The following ATP11B variants were observed in gnomAD, a reference collection of about 807,000 sequenced individuals.
ATP11B encodes phospholipid-transporting ATPase IF.
A neutral mutation model predicts 157.8 loss-of-function variants in ATP11B; 81 were observed. That is an observed-to-expected ratio of 0.51 (90% CI 0.43 to 0.62). The LOEUF (loss-of-function observed/expected upper bound fraction) is 0.62, where lower values mean the gene tolerates loss of function less well. Among genes scored for constraint, ATP11B ranks in the 20% least tolerant of loss-of-function variants. The pLI is 0.00. For missense variants in ATP11B, 1,165 were observed against 1,402.2 expected (o/e 0.83, Z 2.70); for synonymous variants, 451 against 469.4 (o/e 0.96, Z 0.51).
chr3:182,860,842 A>G (rs1271224756), intron 12 of ATP11B, among the ~76,000 whole-genome samples: 3 of 152,114 alleles, frequency 2.0e-5, no homozygotes, highest in Admixed American at 6.6e-5. Flanking sequence ...TCTTGAACAT[A>G]ATCTATTCTT....
chr3:182,916,570 A>G (rs1453749693), intron 29 of ATP11B: 1 of 985,270 alleles, frequency 1.0e-6, no homozygotes, highest in East Asian at 1.1e-4. Flanking sequence ...TTTTAGCAAT[A>G]AAAGATTTTC....
intron 2 of ATP11B, 93 bp downstream of exon 2, chr3:182,820,469 A>G (rs1245128511): frequency 3.5e-6 from 3 of 864,730 alleles, no homozygotes; most frequent in African/African-American, 1.7e-5. Flanking sequence ...GGATCGGTTA[A>G]GCCCAGGAGT....
intron 1 of ATP11B, among the ~76,000 whole-genome samples, chr3:182,807,500 C>T (rs906665780): frequency 2.0e-5 from 3 of 152,054 alleles, no homozygotes; most frequent in African/African-American, 4.8e-5. Context: ...TTTTAAACAG[C>T]GTGGCAAATT....
intron 11 of ATP11B, 132 bp from the exon 12 acceptor site, chr3:182,859,030 A>G: frequency 1.8e-6 from 1 of 544,016 alleles, no homozygotes; most frequent in Non-Finnish European, 3.2e-6. Context: ...ATTTCAATTC[A>G]TGAGACTATT....
intron 12 of ATP11B, among the ~76,000 whole-genome samples, chr3:182,859,964 G>A (rs1255480551): frequency 1.5e-5 from 2 of 131,838 alleles, no homozygotes; most frequent in East Asian, 4.2e-4. Flanking sequence ...TTTTTTTTTG[G>A]TAGCAATGTT....
chr3:182,874,082 G>T, intron 19 of ATP11B, 67 bp downstream of exon 19: 1 of 1,395,806 alleles, frequency 7.2e-7, no homozygotes. Context: ...TGGGCCCGAT[G>T]ATATAGCCCA....
intron 1 of ATP11B, among the ~76,000 whole-genome samples, chr3:182,796,752 T>C (rs1715624028): frequency 6.6e-6 from 1 of 152,158 alleles, no homozygotes; most frequent in Non-Finnish European, 1.5e-5. Flanking sequence ...GCTGAACAAA[T>C]AATTAATAGA....
At chr3:182,889,147 C>T (rs188003720) in intron 24 of ATP11B, among the ~76,000 whole-genome samples, 1 of 152,316 alleles carries the variant, frequency 6.6e-6, no homozygotes, top group East Asian at 1.9e-4. Context: ...AGGCTTAAGC[C>T]ATCGCACCCA....
intron 23 of ATP11B, among the ~76,000 whole-genome samples, chr3:182,886,973 A>G (rs181527425): frequency 6.6e-6 from 1 of 152,302 alleles, no homozygotes; most frequent in African/African-American, 2.4e-5. Flanking sequence ...ACCTATTTTG[A>G]TTAGGTTTTC....
Position 182,793,523 on chromosome 3 carries a change from G to C in ATP11B, c.-237G>C. 2.9e-6 allele frequency: 1 copy of C among 350,226 alleles called. No homozygotes were observed. The allele number at this position is 350,226 out of a possible 1,614,324, so 21.7% of individuals were successfully genotyped here. On this transcript the variant is annotated 5_prime_UTR_variant, in exon 1 of 30. Coordinates refer to ENST00000323116, the MANE Select transcript of ATP11B (RefSeq NM_014616.3). ...ACGGTCAATAATGAAGGTGGCTGCG[G>C]CGCGGCGGCAGGCTCAGCTGCGCCG...
At position 182,889,450 on chromosome 3, in the gene ATP11B, C is replaced by A. The variant is rs777376374; in HGVS notation, c.2884C>A (p.Leu962Ile). The change falls in exon 25 of 30, where the codon CTT (leucine) becomes ATT (isoleucine). Residue 962 changes from leucine (L) to isoleucine (I), a missense_variant. Leu to Ile is a conservative substitution (Grantham distance 5). This residue lies in a region of ATP11B where 303 missense variants were observed against 296.3 expected (regional missense o/e 1.02). Transcript: ENST00000323116. Reference protein sequence around the residue: ...KNRLLSIKTFLYWTILGFSHA... With the variant: ...KNRLLSIKTFIYWTILGFSHA... Reference sequence around the variant, plus strand: ...CCGCCTCTTAAGTATTAAAACATTTCTTTATTGGACCATCCTGGGCTTCAG... The same window carrying A: ...CCGCCTCTTAAGTATTAAAACATTTATTTATTGGACCATCCTGGGCTTCAG... 1.1e-5 allele frequency: 17 copies of A among 1,576,626 alleles called. No homozygotes were observed. Among genetic ancestry groups the A allele is most frequent in the Non-Finnish European group, 1.5e-5 (17 of 1,166,960 alleles).
intron 1 of ATP11B, among the ~76,000 whole-genome samples, chr3:182,810,418 A>T (rs1048776427): frequency 1.3e-5 from 2 of 152,152 alleles, no homozygotes; most frequent in Non-Finnish European, 2.9e-5. Flanking sequence ...TTTAATTTTC[A>T]TAGCAATAGT....
intron 28 of ATP11B, among the ~76,000 whole-genome samples, chr3:182,912,788 T>C (rs2108596608): frequency 6.6e-6 from 1 of 152,302 alleles, no homozygotes; most frequent in South Asian, 2.1e-4. Flanking sequence ...ACCCAGCACA[T>C]GGTGATTCCC....
intron 1 of ATP11B, among the ~76,000 whole-genome samples, chr3:182,807,219 A>T (rs1021218235): frequency 3.3e-5 from 5 of 152,104 alleles, no homozygotes; most frequent in Non-Finnish European, 5.9e-5. Context: ...GAATGAAATA[A>T]CAGTAGCTTC....
At chr3:182,821,985 T>C (rs975742580) in intron 2 of ATP11B, among the ~76,000 whole-genome samples, 2 of 152,250 alleles carry the variant, frequency 1.3e-5, no homozygotes, top group African/African-American at 4.8e-5. Flanking sequence ...CTTCACATTC[T>C]TTATGTGTAT....
At chr3:182,858,111 A>T (rs557196) in intron 11 of ATP11B, 83 bp downstream of exon 11, 3 of 1,256,392 alleles carry the variant, frequency 2.4e-6, no homozygotes, top group Non-Finnish European at 3.4e-6. Context: ...TTCTGATTGG[A>T]GAGACCACTG....
At position 182,896,851 on chromosome 3, in the gene ATP11B, A is replaced by G. The variant is rs58929080; in HGVS notation, c.3048+86A>G. ...TTTCTTCATTTCTTTAGCCATAGAT[A>G]CTTTCCCTTTTTCCATTTTCAATAA... On this transcript the variant is annotated intron_variant, in intron 26 of 29. Coordinates refer to ENST00000323116, the MANE Select transcript of ATP11B (RefSeq NM_014616.3). 2,393 of 897,774 alleles carry G rather than the reference A, an allele frequency of 2.7e-3. 52 individuals carry two copies. The African/African-American group carries it at 0.036, about 13-fold the overall frequency. 55.6% of individuals were successfully genotyped at this position (897,774 alleles called of 1,614,324 possible). A position where few individuals can be genotyped will look rare whatever the true frequency, so the allele number is the denominator to read the frequency against.
chr3:182,886,205 G>A (rs1427197448), intron 23 of ATP11B, among the ~76,000 whole-genome samples, 195 bp downstream of exon 23: 1 of 152,064 alleles, frequency 6.6e-6, no homozygotes, highest in Non-Finnish European at 1.5e-5. Context: ...TTCAGTTTGA[G>A]GTGAGTGTTA....
chr3:182,869,048 T>C (rs750703587), intron 15 of ATP11B, 30 bp from the exon 16 acceptor site: 64 of 1,485,564 alleles, frequency 4.3e-5, no homozygotes, highest in Non-Finnish European at 5.3e-5. Context: ...AAAAGTAAAG[T>C]TTTTGTCTTT....
Sources: gnomAD v4.1 joint callset for allele counts (sites outside exome capture counted in the v4.1 genomes callset) on GRCh38, gnomAD v4.1.1 for gene constraint, gnomAD v4.1.1 regional missense constraint, MANE v1.5 for transcripts, NCBI Gene and HGNC (gene_info 2026-07-23, HGNC 2026-07-21) for gene names.